ABTB3: variants seen among roughly 807,000 people sequenced by gnomAD.
ABTB3 encodes the protein ankyrin repeat and BTB domain containing 3, also known as ankyrin repeat- and BTB/POZ domain-containing protein 3.
the ABTB3 span, among the ~76,000 whole-genome samples, chr12:107,420,398 C>T: frequency 6.6e-6 from 1 of 152,118 alleles, no homozygotes; most frequent in Non-Finnish European, 1.5e-5. Flanking sequence ...TGGCGTAAGG[C>T]AAAGGAAGAG....
At chr12:107,489,509 A>T in the ABTB3 span, among the ~76,000 whole-genome samples, 1 of 152,172 alleles carries the variant, frequency 6.6e-6, no homozygotes, top group South Asian at 2.1e-4. Context: ...GACGAGCAAA[A>T]CTCCATCTCA....
chr12:107,640,457 C>A, the ABTB3 span: 1 of 1,247,734 alleles, frequency 8.0e-7, no homozygotes, highest in Non-Finnish European at 1.1e-6. Flanking sequence ...ATGACTTTGG[C>A]TGTTGCTATT....
chr12:107,647,634 C>A, the ABTB3 span, among the ~76,000 whole-genome samples: 1 of 152,200 alleles, frequency 6.6e-6, no homozygotes, highest in Admixed American at 6.5e-5. Context: ...GAGAACAAGG[C>A]GGCATGTAGC....
At chr12:107,559,219 C>T in the ABTB3 span, among the ~76,000 whole-genome samples, 6 of 152,188 alleles carry the variant, frequency 3.9e-5, no homozygotes, top group Non-Finnish European at 7.3e-5. Flanking sequence ...GAGTGTCATC[C>T]TCAGTGTCTC....
At chr12:107,632,931 A>G in the ABTB3 span, among the ~76,000 whole-genome samples, 1,043 of 152,306 alleles carry the variant, frequency 6.8e-3, 10 homozygotes, top group African/African-American at 0.024. Context: ...CAAGCCAGCA[A>G]CAGAGCATCA....
the ABTB3 span, among the ~76,000 whole-genome samples, chr12:107,527,460 C>T: frequency 5.7e-3 from 870 of 152,162 alleles, 8 homozygotes; most frequent in African/African-American, 0.019. Flanking sequence ...TTAGTAGAGA[C>T]GGGGTTTCAC....
the ABTB3 span, among the ~76,000 whole-genome samples, chr12:107,377,910 G>A: frequency 7.1e-4 from 108 of 152,238 alleles, 1 homozygote; most frequent in East Asian, 9.3e-3. Context: ...TAATCCCCTC[G>A]TAGTTTCCAG....
At chr12:107,640,874 C>G in the ABTB3 span, among the ~76,000 whole-genome samples, 2 of 152,240 alleles carry the variant, frequency 1.3e-5, no homozygotes, top group African/African-American at 4.8e-5. Context: ...AGCTCTGCAA[C>G]TGCCCTTTCT....
At chr12:107,575,125 T>A in the ABTB3 span, among the ~76,000 whole-genome samples, 1 of 152,134 alleles carries the variant, frequency 6.6e-6, no homozygotes, top group Non-Finnish European at 1.5e-5. Context: ...ACCACAAATA[T>A]CGAAATTCCT....
At chr12:107,397,937 T>A in the ABTB3 span, among the ~76,000 whole-genome samples, 2 of 152,246 alleles carry the variant, frequency 1.3e-5, no homozygotes, top group Non-Finnish European at 2.9e-5. Flanking sequence ...TGTGGGTCTT[T>A]TCCAAGCTGT....
chr12:107,657,961 C>G, the ABTB3 span: 1 of 550,176 alleles, frequency 1.8e-6, no homozygotes, highest in Non-Finnish European at 3.3e-6. Flanking sequence ...TGAAAGCACC[C>G]CTAGGACCAT....
chr12:107,622,968 A>G, the ABTB3 span, among the ~76,000 whole-genome samples: 4 of 152,030 alleles, frequency 2.6e-5, no homozygotes, highest in African/African-American at 9.7e-5. Flanking sequence ...TGGACTTCAA[A>G]TGAATTCAGT....
chr12:107,621,629 A>C, the ABTB3 span, among the ~76,000 whole-genome samples: 2 of 152,206 alleles, frequency 1.3e-5, no homozygotes, highest in Admixed American at 1.3e-4. Flanking sequence ...CATAACTACG[A>C]TGCCAAATGG....
the ABTB3 span, among the ~76,000 whole-genome samples, chr12:107,412,464 A>G: frequency 6.6e-6 from 1 of 152,258 alleles, no homozygotes; most frequent in African/African-American, 2.4e-5. Context: ...CCAAATGGCA[A>G]TGCTGTTCAT....
At chr12:107,595,069 T>C in the ABTB3 span, among the ~76,000 whole-genome samples, 1 of 152,082 alleles carries the variant, frequency 6.6e-6, no homozygotes, top group Non-Finnish European at 1.5e-5. Flanking sequence ...TCGCCCCTGG[T>C]TGAGAATCAC....
chr12:107,526,357 C>G, the ABTB3 span, among the ~76,000 whole-genome samples: 1 of 152,132 alleles, frequency 6.6e-6, no homozygotes, highest in Non-Finnish European at 1.5e-5. Flanking sequence ...TCACAGTTGA[C>G]TTAGAGTTCG....
the ABTB3 span, among the ~76,000 whole-genome samples, chr12:107,482,382 C>T: frequency 3.9e-5 from 6 of 152,124 alleles, no homozygotes; most frequent in African/African-American, 1.4e-4. Context: ...GGGAGCCAGC[C>T]ACCCCAGTGG....
chr12:107,398,262 G>A, the ABTB3 span, among the ~76,000 whole-genome samples: 8 of 152,140 alleles, frequency 5.3e-5, no homozygotes, highest in Admixed American at 2.0e-4. Flanking sequence ...TGAGGCCCAC[G>A]TTTGTTTCCT....
the ABTB3 span, among the ~76,000 whole-genome samples, chr12:107,463,186 G>A: frequency 6.6e-6 from 1 of 150,766 alleles, no homozygotes; most frequent in Non-Finnish European, 1.5e-5. Context: ...TAGTAATGAT[G>A]GGTGATGATG....
Sources: allele counts gnomAD v4.1 joint callset (sites outside exome capture counted in the v4.1 genomes callset), GRCh38; gene constraint gnomAD v4.1.1; transcripts MANE v1.5; gene names NCBI Gene and HGNC (gene_info 2026-07-23, HGNC 2026-07-21).